Variants in GPR39 observed in about 807,000 individuals in gnomAD.
GPR39 encodes the protein zinc sensing receptor.
In GPR39, 23 loss-of-function variants were observed where a neutral mutation model predicts 18.4. The ratio of observed to expected loss-of-function variants is 1.25; its 90% CI spans 0.90 to 1.77. The LOEUF (loss-of-function observed/expected upper bound fraction) is 1.77, where lower values mean the gene tolerates loss of function less well. GPR39 is among the 40% of genes most tolerant of loss of function. GPR39 has a pLI of 0.00. For synonymous variants in GPR39, 280 were observed against 257.9 expected (o/e 1.09, Z -0.82); for missense variants, 647 against 602.4 (o/e 1.07, Z -0.78).
chr2:132,634,279 A>AGT (rs1244512997), intron 1 of GPR39, among the ~76,000 whole-genome samples: 1 of 152,132 alleles, frequency 6.6e-6, no homozygotes. Context: ...CTATCCCTTC[A>AGT]GTGTCTCCTT....
intron 1 of GPR39, among the ~76,000 whole-genome samples, chr2:132,569,328 C>T (rs1350023583): frequency 6.6e-6 from 1 of 152,102 alleles, no homozygotes; most frequent in East Asian, 1.9e-4. Flanking sequence ...GCCTGATTCA[C>T]CAAGTCAGCA....
chr2:132,500,470 G>A (rs1226750542), intron 1 of GPR39, among the ~76,000 whole-genome samples: 5 of 152,022 alleles, frequency 3.3e-5, no homozygotes, highest in Admixed American at 3.3e-4. Flanking sequence ...ATGCTGTTGG[G>A]TTTGGTTTGC....
chr2:132,462,206 T>C (rs1028111960), intron 1 of GPR39, among the ~76,000 whole-genome samples: 4 of 152,142 alleles, frequency 2.6e-5, no homozygotes, highest in Non-Finnish European at 5.9e-5. Context: ...GAGGACACCA[T>C]GTTGCATGCA....
chr2:132,424,739 T>C (rs1188690337), intron 1 of GPR39, among the ~76,000 whole-genome samples: 19 of 152,208 alleles, frequency 1.2e-4, no homozygotes, highest in Admixed American at 1.2e-3. Flanking sequence ...CAGCATTTGT[T>C]GCATTCCAAT....
chr2:132,597,233 G>T (rs930887899), intron 1 of GPR39, among the ~76,000 whole-genome samples: 3 of 152,212 alleles, frequency 2.0e-5, no homozygotes, highest in Admixed American at 6.5e-5. Context: ...TATGTGGAAA[G>T]GGTAAGTGCC....
chr2:132,528,644 C>G (rs1679554431), intron 1 of GPR39, among the ~76,000 whole-genome samples: 1 of 152,050 alleles, frequency 6.6e-6, no homozygotes, highest in South Asian at 2.1e-4. Flanking sequence ...TGAAGAGGTC[C>G]TTCATATTCC....
At chr2:132,523,461 G>A (rs1013772058) in intron 1 of GPR39, among the ~76,000 whole-genome samples, 1 of 151,890 alleles carries the variant, frequency 6.6e-6, no homozygotes, top group African/African-American at 2.4e-5. Flanking sequence ...TCCAGTTTTT[G>A]GGAAAAAGTA....
chr2:132,636,901 C>T (rs188047621), intron 1 of GPR39, among the ~76,000 whole-genome samples: 74 of 152,246 alleles, frequency 4.9e-4, no homozygotes, highest in Admixed American at 1.0e-3. Context: ...GGACATCATG[C>T]TCCTCATTAC....
intron 1 of GPR39, among the ~76,000 whole-genome samples, chr2:132,590,576 A>G (rs980083045): frequency 1.3e-5 from 2 of 152,066 alleles, no homozygotes; most frequent in Non-Finnish European, 2.9e-5. Flanking sequence ...TGAGACCACA[A>G]GGGTAGGCAC....
chr2:132,519,081 A>T (rs562156616), intron 1 of GPR39, among the ~76,000 whole-genome samples: 1 of 152,348 alleles, frequency 6.6e-6, no homozygotes, highest in Middle Eastern at 3.4e-3. Flanking sequence ...TACACAACCT[A>T]TAAGCAGGAG....
chr2:132,477,483 G>A (rs1283265924), intron 1 of GPR39, among the ~76,000 whole-genome samples: 3 of 152,116 alleles, frequency 2.0e-5, no homozygotes, highest in Non-Finnish European at 4.4e-5. Flanking sequence ...AGAGGCTCAC[G>A]TGAGTCCATG....
intron 1 of GPR39, among the ~76,000 whole-genome samples, chr2:132,434,576 TG>T (rs1680279037): frequency 6.6e-6 from 1 of 152,128 alleles, no homozygotes; most frequent in Admixed American, 6.5e-5. Context: ...GCCTCTAGAT[TG>T]GGGCCATAAA....
At chr2:132,423,213 GA>G (rs1680047842) in intron 1 of GPR39, among the ~76,000 whole-genome samples, 1 of 151,892 alleles carries the variant, frequency 6.6e-6, no homozygotes, top group Non-Finnish European at 1.5e-5. Flanking sequence ...CTGGAGACAT[GA>G]TTGGTCATCC....
chr2:132,480,053 C>A (rs983678436), intron 1 of GPR39, among the ~76,000 whole-genome samples: 1 of 152,086 alleles, frequency 6.6e-6, no homozygotes, highest in African/African-American at 2.4e-5. Context: ...ATGGTATATA[C>A]GTGTAGTGGA....
At chr2:132,592,915 A>C (rs1247359667) in intron 1 of GPR39, among the ~76,000 whole-genome samples, 1 of 152,138 alleles carries the variant, frequency 6.6e-6, no homozygotes, top group Non-Finnish European at 1.5e-5. Flanking sequence ...CTATAAATTC[A>C]AGAGTCCCAG....
At chr2:132,625,127 C>T (rs1269689964) in intron 1 of GPR39, among the ~76,000 whole-genome samples, 2 of 148,048 alleles carry the variant, frequency 1.4e-5, no homozygotes, top group Non-Finnish European at 3.0e-5. Context: ...TGGCTTTTTG[C>T]TTTGCTTCTA....
intron 1 of GPR39, among the ~76,000 whole-genome samples, chr2:132,508,826 G>A (rs920631466): frequency 2.6e-5 from 4 of 152,254 alleles, no homozygotes; most frequent in East Asian, 1.9e-4. Context: ...AGATGGCCTG[G>A]GACTGAGAAA....
Position 132,646,270 on chromosome 2 carries a change from G to GTACATGATCCC in GPR39, c.*666_*676dup. The GTACATGATCCC allele has an allele frequency of 6.5e-7, 1 of 1,544,058 alleles. No homozygotes were observed. The highest frequency in any genetic ancestry group is 8.8e-7 in the Non-Finnish European group (1 of 1,141,442). On this transcript the variant is annotated 3_prime_UTR_variant, in exon 2 of 2. Coordinates refer to ENST00000329321, the MANE Select transcript of GPR39 (RefSeq NM_001508.3). Reference sequence around the variant, plus strand: ...CCGCTGATGATGCACAGGACTTGCGGTACATGATCCCTGTAACACAGACCC... The same window carrying GTACATGATCCC: ...CCGCTGATGATGCACAGGACTTGCGGTACATGATCCCTACATGATCCCTGTAACACAGACCC...
chr2:132,535,694 G>GTTTTTTTTTTTTTTTT (rs1252242856), intron 1 of GPR39, among the ~76,000 whole-genome samples: 14 of 60,960 alleles, frequency 2.3e-4, no homozygotes, highest in South Asian at 1.4e-3. Context: ...CTGGTCCTGG[G>GTTTTTTTTTTTTTTTT]CTTTTTTTTT....
Sources: allele counts gnomAD v4.1 joint callset (sites outside exome capture counted in the v4.1 genomes callset), GRCh38; gene constraint gnomAD v4.1.1; transcripts MANE v1.5; gene names NCBI Gene and HGNC (gene_info 2026-07-23, HGNC 2026-07-21).